The following VTI1A variants were observed in gnomAD, a reference collection of about 807,000 sequenced individuals.
VTI1A encodes the protein vesicle transport through interaction with t-SNAREs homolog 1A.
A neutral mutation model predicts 34.9 loss-of-function variants in VTI1A; 22 were observed. The observed-to-expected ratio is 0.63, with a 90% confidence interval of 0.45 to 0.90. The LOEUF (loss-of-function observed/expected upper bound fraction) is 0.90, where lower values mean the gene tolerates loss of function less well. VTI1A is among the 40% of genes least tolerant of loss of function. The pLI is 0.00. For missense variants in VTI1A, 268 were observed against 275.6 expected, an observed-to-expected ratio of 0.97 and a Z score of 0.20; for synonymous variants, 87 against 97.3, an observed-to-expected ratio of 0.89 and a Z score of 0.62.
At chr10:112,560,512 A>T (rs994231548) in intron 5 of VTI1A, among the ~76,000 whole-genome samples, 6 of 152,010 alleles carry the variant, frequency 3.9e-5, no homozygotes, top group African/African-American at 1.4e-4. Context: ...TGCCTTCTCC[A>T]CAAGAATGTA....
chr10:112,613,956 G>A (rs778884145), intron 5 of VTI1A, among the ~76,000 whole-genome samples: 2 of 152,112 alleles, frequency 1.3e-5, no homozygotes, highest in Admixed American at 1.3e-4. Flanking sequence ...TGTTCTTGCT[G>A]TTCCTTTTTT....
At chr10:112,819,190 G>A (rs1437498202), downstream of VTI1A, among the ~76,000 whole-genome samples, 3 of 152,202 alleles carry the variant, frequency 2.0e-5, no homozygotes, top group Non-Finnish European at 4.4e-5. Flanking sequence ...ATTTCCCATC[G>A]TAAATATTAA....
chr10:112,527,706 C>CATAATAATAATA (rs57108083), intron 4 of VTI1A, among the ~76,000 whole-genome samples: 3 of 147,090 alleles, frequency 2.0e-5, no homozygotes, highest in East Asian at 2.0e-4. Context: ...AAATAATAGT[C>CATAATAATAATA]ATAATAATAA....
At chr10:112,565,760 T>C (rs2134345799) in intron 5 of VTI1A, among the ~76,000 whole-genome samples, 1 of 152,308 alleles carries the variant, frequency 6.6e-6, no homozygotes, top group South Asian at 2.1e-4. Context: ...GTTTTTAAAA[T>C]GTGTGTTACT....
chr10:112,627,886 G>T (rs539782074), intron 5 of VTI1A, among the ~76,000 whole-genome samples: 1 of 152,094 alleles, frequency 6.6e-6, no homozygotes, highest in Non-Finnish European at 1.5e-5. Context: ...AGGATAAAAG[G>T]ATAGATAATT....
intron 5 of VTI1A, among the ~76,000 whole-genome samples, chr10:112,586,383 G>A (rs1293362178): frequency 6.6e-6 from 1 of 152,108 alleles, no homozygotes; most frequent in African/African-American, 2.4e-5. Context: ...GCTAATTATG[G>A]TGCGAAGTGG....
intron 7 of VTI1A, among the ~76,000 whole-genome samples, chr10:112,806,264 CAT>C (rs1853073364): frequency 6.6e-6 from 1 of 152,014 alleles, no homozygotes; most frequent in African/African-American, 2.4e-5. Context: ...CCAGAGATAG[CAT>C]CTAGTTTTCT....
At chr10:112,732,424 C>T (rs1850299359) in intron 7 of VTI1A, among the ~76,000 whole-genome samples, 1 of 152,166 alleles carries the variant, frequency 6.6e-6, no homozygotes, top group South Asian at 2.1e-4. Flanking sequence ...TCTCATTATT[C>T]CTGCCCCATT....
intron 5 of VTI1A, among the ~76,000 whole-genome samples, chr10:112,587,296 A>T (rs1440406940): frequency 6.6e-6 from 1 of 152,124 alleles, no homozygotes. Context: ...CCATGTACCT[A>T]CTGTTGCAGT....
chr10:112,749,609 C>T (rs535066228), intron 7 of VTI1A, among the ~76,000 whole-genome samples: 2 of 152,300 alleles, frequency 1.3e-5, no homozygotes, highest in African/African-American at 4.8e-5. Flanking sequence ...TTTTACACTT[C>T]AGGCAGAGCT....
intron 3 of VTI1A, among the ~76,000 whole-genome samples, chr10:112,506,693 T>A (rs11594213): frequency 6.6e-6 from 1 of 152,190 alleles, no homozygotes; most frequent in Admixed American, 6.5e-5. Context: ...TTTACTCTTA[T>A]TGGAGTTCTT....
intron 5 of VTI1A, among the ~76,000 whole-genome samples, chr10:112,547,799 T>C (rs1851189246): frequency 6.6e-6 from 1 of 152,180 alleles, no homozygotes; most frequent in African/African-American, 2.4e-5. Context: ...GATTATAGCG[T>C]TTTAATGAGA....
At position 112,591,594 on chromosome 10, in the gene VTI1A, C is replaced by T. The variant is rs149059536; in HGVS notation, c.427+53264C>T. ...TTGTGTACTGTTTAATTGTTTTATA[C>T]TGAAATTTAACTTCTCAAGGTCTTT... On this transcript the variant is annotated intron_variant, in intron 5 of 7. Transcript: ENST00000393077. Among the ~76,000 whole-genome samples the T allele has an allele frequency of 5.5e-3, 838 of 152,242 alleles. 4 individuals are homozygous for T. The highest frequency in any genetic ancestry group is 7.7e-3 in the Non-Finnish European group (526 of 68,016).
chr10:112,826,201 G>A, the VTI1A span: 1 of 151,920 alleles, frequency 6.6e-6, no homozygotes, highest in Admixed American at 6.6e-5. Flanking sequence ...TCCTGCTCAC[G>A]GGCACGTTAG....
At chr10:112,810,575 C>T (rs1011468237) in intron 7 of VTI1A, among the ~76,000 whole-genome samples, 4 of 152,028 alleles carry the variant, frequency 2.6e-5, no homozygotes, top group Non-Finnish European at 4.4e-5. Context: ...CAGGTGACCC[C>T]GCATTTCAAG....
In VTI1A at chr10:112,588,931, G is replaced by T. The variant is rs576714009; in HGVS notation, c.427+50601G>T. 2.6e-5 allele frequency among the ~76,000 whole-genome samples: 4 copies of T among 151,680 alleles called. No individual in the cohort carries two copies. The East Asian group carries it at 7.7e-4, about 29-fold the overall frequency. On this transcript the variant is annotated intron_variant, in intron 5 of 7. Transcript: ENST00000393077. Reference sequence around the variant, plus strand: ...ACTTGCAGAACACAGTTCCTGGAAGGGATAGAGGTATTTATTTCAGTCAAA... The same window carrying T: ...ACTTGCAGAACACAGTTCCTGGAAGTGATAGAGGTATTTATTTCAGTCAAA...
chr10:112,830,739 T>G, the VTI1A span, among the ~76,000 whole-genome samples: 2 of 146,764 alleles, frequency 1.4e-5, no homozygotes, highest in Non-Finnish European at 3.0e-5. Flanking sequence ...TTCATTAACA[T>G]GCTGCTGTTT....
At chr10:112,613,653 A>G (rs1024295552) in intron 5 of VTI1A, among the ~76,000 whole-genome samples, 4 of 152,202 alleles carry the variant, frequency 2.6e-5, no homozygotes, top group South Asian at 4.1e-4. Context: ...CTGAGCACTA[A>G]AAGGTTGAGA....
intron 3 of VTI1A, among the ~76,000 whole-genome samples, chr10:112,469,660 C>G (rs1286022647): frequency 6.6e-6 from 1 of 152,176 alleles, no homozygotes; most frequent in Non-Finnish European, 1.5e-5. Context: ...TAAGTGCTCT[C>G]TCGCCTATGT....
Sources: allele counts gnomAD v4.1 joint callset (sites outside exome capture counted in the v4.1 genomes callset), GRCh38; gene constraint gnomAD v4.1.1; transcripts MANE v1.5; gene names NCBI Gene and HGNC (gene_info 2026-07-23, HGNC 2026-07-21).